RPS6KA4: variants seen among roughly 807,000 people sequenced by gnomAD.
The protein encoded by RPS6KA4 is ribosomal protein S6 kinase A4.
A neutral mutation model predicts 89.6 loss-of-function variants in RPS6KA4; 38 were observed. That is an observed-to-expected ratio of 0.42 (90% CI 0.33 to 0.56). The LOEUF (loss-of-function observed/expected upper bound fraction) is 0.56. Among genes scored for constraint, RPS6KA4 ranks in the 20% least tolerant of loss-of-function variants. RPS6KA4 has a pLI of 0.07. For missense variants in RPS6KA4, 873 were observed against 1,098.8 expected, an observed-to-expected ratio of 0.79 and a Z score of 2.90; for synonymous variants, 495 against 492.8, an observed-to-expected ratio of 1.00 and a Z score of -0.06.
intron 9 of RPS6KA4, 58 bp downstream of exon 9, chr11:64,365,523 C>T: frequency 1.9e-5 from 30 of 1,595,882 alleles, no homozygotes; most frequent in Non-Finnish European, 2.6e-5. Flanking sequence ...CTGTCTGCCT[C>T]AGCCCTGGCT....
intron 4 of RPS6KA4, 186 bp from the exon 5 acceptor site, chr11:64,360,947 CG>C: frequency 1.7e-6 from 1 of 581,494 alleles, no homozygotes; most frequent in Non-Finnish European, 3.0e-6. Context: ...GCCTGATCCA[CG>C]GGGCCCTCCT....
Position 64,370,611 on chromosome 11 carries a change from G to A in RPS6KA4, c.2006G>A (p.Arg669Gln), listed in dbSNP as rs777650305. 2.2e-5 allele frequency: 35 copies of A among 1,584,792 alleles called. 2 individuals are homozygous for A. The highest frequency in any genetic ancestry group is 2.1e-4 in the South Asian group (19 of 88,984). Residue 669 changes from arginine (R) to glutamine (Q), a missense_variant, in exon 16 of 17, where the codon CGG becomes CAG. Coordinates refer to ENST00000334205, the MANE Select transcript of RPS6KA4 (RefSeq NM_003942.3). This position sits in a 1 kb window ranked among gnomAD's most constrained non-coding sequence, Gnocchi z 4.1. ...PAKRLKLEGLRGSSWLQDGSA... is the reference protein window; with the variant it reads ...PAKRLKLEGLQGSSWLQDGSA... ...AAGCGGCTGAAGCTCGAGGGACTGC[G>A]GGGCAGCTCGTGGCTGCAGGACGGC...
chr11:64,361,330 C>A lies in RPS6KA4; in HGVS notation c.570+89C>A. 1 of 1,452,274 alleles carries A rather than the reference C, an allele frequency of 6.9e-7. No individual in the cohort carries two copies. Among genetic ancestry groups the A allele is most frequent in the Non-Finnish European group, 9.6e-7 (1 of 1,044,116 alleles). The allele number at this position is 1,452,274 out of a possible 1,614,324, so 90.0% of individuals were successfully genotyped here. A position where few individuals can be genotyped will look rare whatever the true frequency, so the allele number is the denominator to read the frequency against. ...GCTCTGGGCCTGCATTCTGGGGCTGCAGAAGTGAATAGCTCCAAGAAGTTT... is the reference window on the plus strand; with the variant it reads ...GCTCTGGGCCTGCATTCTGGGGCTGAAGAAGTGAATAGCTCCAAGAAGTTT... On this transcript the variant is annotated intron_variant, in intron 5 of 16. Coordinates refer to ENST00000334205, the MANE Select transcript of RPS6KA4 (RefSeq NM_003942.3). The surrounding 1 kb of genome is among the most constrained non-coding windows in gnomAD (Gnocchi z 4.7).
chr11:64,362,298 C>T (rs570611794), intron 8 of RPS6KA4, among the ~76,000 whole-genome samples: 6 of 152,350 alleles, frequency 3.9e-5, no homozygotes, highest in South Asian at 2.1e-4. Context: ...CTGCCCCCGA[C>T]GGCACAGTAA....
rs1381437023 is a variant in RPS6KA4 at position 64,369,428 on chromosome 11, C to G, written c.1429-18C>G. On this transcript the variant is annotated intron_variant, in intron 12 of 16. Coordinates refer to ENST00000334205, the MANE Select transcript of RPS6KA4 (RefSeq NM_003942.3). ...GCCGTGGGTGGGTGTTGACCTTGGC[C>G]CGCCACGCCGCCCGCAGCTGCACAC... is the stretch of plus-strand genomic sequence containing the variant. 1 of 1,572,518 alleles carries G rather than the reference C, an allele frequency of 6.4e-7. No individual in the cohort carries two copies. Among genetic ancestry groups the G allele is most frequent in the Admixed American group, 1.7e-5 (1 of 57,686 alleles).
chr11:64,363,921 G>A (rs2036815881), intron 8 of RPS6KA4, among the ~76,000 whole-genome samples: 1 of 152,160 alleles, frequency 6.6e-6, no homozygotes, highest in Non-Finnish European at 1.5e-5. Flanking sequence ...TCAAAATGGT[G>A]ATATCTGTTG....
chr11:64,362,946 C>T (rs1406225120), intron 8 of RPS6KA4, among the ~76,000 whole-genome samples: 1 of 152,186 alleles, frequency 6.6e-6, no homozygotes, highest in Non-Finnish European at 1.5e-5. Flanking sequence ...GTTGGGATTA[C>T]AGGTGTGAGC....
intron 8 of RPS6KA4, among the ~76,000 whole-genome samples, chr11:64,362,754 T>C (rs1410255809): frequency 6.6e-6 from 1 of 152,214 alleles, no homozygotes; most frequent in African/African-American, 2.4e-5. Flanking sequence ...CAGTGCAACC[T>C]CCACCTCAGG....
chr11:64,359,920 C>T (rs529314252), intron 2 of RPS6KA4: 1 of 579,776 alleles, frequency 1.7e-6, no homozygotes, highest in East Asian at 2.9e-5. Context: ...CGCAGCAGGC[C>T]CCCTGGAGAT....
intron 9 of RPS6KA4, 65 bp downstream of exon 9, chr11:64,365,530 G>A: frequency 1.3e-6 from 2 of 1,584,152 alleles, no homozygotes; most frequent in Non-Finnish European, 1.7e-6. Flanking sequence ...CCTCAGCCCT[G>A]GCTGGCCCGA....
At chr11:64,368,890 G>A in intron 12 of RPS6KA4, 93 bp downstream of exon 12, 3 of 1,207,898 alleles carry the variant, frequency 2.5e-6, no homozygotes, top group African/African-American at 1.5e-5. Flanking sequence ...TGAATTGGGC[G>A]GGGCCTAGCG....
In RPS6KA4 at chr11:64,369,503, C is replaced by T. The variant is rs756054451; in HGVS notation, c.1486C>T (p.Arg496Cys). Residue 496 changes from arginine (R) to cysteine (C), a missense_variant, in exon 13 of 17, where the codon CGC (arginine) becomes TGC (cysteine). By Grantham distance (180) the Arg-to-Cys change is radical (BLOSUM62 -3). Transcript: ENST00000334205. Reference sequence around the variant, plus strand: ...GGGCGGGGAGCTGCTGGAGCACATCCGCAAGAAGCGGCACTTCAGCGAGTC... The same window carrying T: ...GGGCGGGGAGCTGCTGGAGCACATCTGCAAGAAGCGGCACTTCAGCGAGTC... ...LRGGELLEHI[R>C]KKRHFSESEA... 5.4e-5 allele frequency: 87 copies of T among 1,610,040 alleles called. No homozygotes were observed. Among genetic ancestry groups the T allele is most frequent in the East Asian group, 1.1e-4 (5 of 44,800 alleles).
Position 64,361,451 on chromosome 11 carries a change from G to C in RPS6KA4, c.571-18G>C. ...AGGAGAGGTTTCGACATCTAAGCAG[G>C]ACCTCTTGCCCTCCCAGAAAGAGCG... On this transcript the variant is annotated intron_variant, in intron 5 of 16. Coordinates refer to ENST00000334205, the MANE Select transcript of RPS6KA4 (RefSeq NM_003942.3). This position sits in a 1 kb window ranked among gnomAD's most constrained non-coding sequence, Gnocchi z 4.7. 6.2e-7 allele frequency: 1 copy of C among 1,613,878 alleles called. No homozygotes were observed. Among genetic ancestry groups the C allele is most frequent in the African/African-American group, 1.3e-5 (1 of 75,042 alleles).
At chr11:64,368,036 C>T in intron 9 of RPS6KA4, 96 bp from the exon 10 acceptor site, 1 of 1,388,256 alleles carries the variant, frequency 7.2e-7, no homozygotes, top group Non-Finnish European at 1.0e-6. Context: ...CCCCCTTGTC[C>T]AGGGTCTTGC....
At chr11:64,368,087 C>T (rs1422253292) in intron 9 of RPS6KA4, 45 bp from the exon 10 acceptor site, 1 of 1,604,330 alleles carries the variant, frequency 6.2e-7, no homozygotes. Context: ...ACCCGCACCC[C>T]CAACCCCCAT....
At chr11:64,360,739 T>C in intron 4 of RPS6KA4, 147 bp downstream of exon 4, 1 of 692,114 alleles carries the variant, frequency 1.4e-6, no homozygotes, top group Non-Finnish European at 2.4e-6. Flanking sequence ...CTGCTTCCCC[T>C]GGACCCCTTG....
At chr11:64,359,312 G>T (rs1240693552) in intron 1 of RPS6KA4, 22 bp downstream of exon 1, 2 of 1,600,938 alleles carry the variant, frequency 1.2e-6, no homozygotes, top group East Asian at 2.3e-5. Context: ...GCCTGACTGC[G>T]GCTGCCCGGG....
At chr11:64,368,285 G>T in intron 10 of RPS6KA4, 25 bp downstream of exon 10, 1 of 1,611,016 alleles carries the variant, frequency 6.2e-7, no homozygotes, top group Non-Finnish European at 8.5e-7. Flanking sequence ...GCTGGGTTGG[G>T]GGGAAATTGG....
Position 64,359,273 on chromosome 11 carries a change from A to G in RPS6KA4, c.38A>G (p.Glu13Gly). Reference protein sequence around the residue: ...DEDDDESCAVELRITEANLTG... With the variant: ...DEDDDESCAVGLRITEANLTG... ...GACGACGATGAGAGCTGCGCCGTGG[A>G]GCTGCGGATCACAGAAGGTGGGTGT... is the stretch of plus-strand genomic sequence containing the variant. The change falls in exon 1 of 17, where the codon GAG (glutamate) becomes GGG (glycine). Residue 13 changes from glutamate (E) to glycine (G), a missense_variant. Around this residue, in one of 4 missense-constraint regions of RPS6KA4, gnomAD observed 49 missense variants for 51.9 expected, o/e 0.94. Transcript: ENST00000334205. 1 of 1,557,266 alleles carries G rather than the reference A, an allele frequency of 6.4e-7. No homozygotes were observed.
Sources: allele counts gnomAD v4.1 joint callset (sites outside exome capture counted in the v4.1 genomes callset), GRCh38; gene constraint gnomAD v4.1.1; regional missense constraint gnomAD v4.1.1; non-coding constraint Gnocchi (gnomAD v3.1); transcripts MANE v1.5; gene names NCBI Gene and HGNC (gene_info 2026-07-23, HGNC 2026-07-21).